MDH1B: variants seen among roughly 807,000 people sequenced by gnomAD.
The protein encoded by MDH1B is putative malate dehydrogenase 1B.
A neutral mutation model predicts 61.4 loss-of-function variants in MDH1B; 60 were observed. That is an observed-to-expected ratio of 0.98 (90% CI 0.79 to 1.21). The LOEUF is 1.21. MDH1B is among the 50% of genes most tolerant of loss of function. MDH1B has a pLI of 0.00. For synonymous variants in MDH1B, 236 were observed against 218.7 expected, an observed-to-expected ratio of 1.08 and a Z score of -0.70; for missense variants, 587 against 632.1, an observed-to-expected ratio of 0.93 and a Z score of 0.76.
In MDH1B at chr2:206,755,075, C is replaced by T; in HGVS notation, c.844G>A (p.Val282Met). 1 of 1,614,214 alleles carries T rather than the reference C, an allele frequency of 6.2e-7. No individual in the cohort carries two copies. The highest frequency in any genetic ancestry group is 8.5e-7 in the Non-Finnish European group (1 of 1,180,024). ...APRIAHNIIA[V>M]ALGVEGEAKA... Reference sequence around the variant, plus strand: ...GCTTCACCTTCCACCCCCAGCGCCACAGCAATAATGTTGTGTGCAATGCGT... The same window carrying T: ...GCTTCACCTTCCACCCCCAGCGCCATAGCAATAATGTTGTGTGCAATGCGT... The change falls in exon 5 of 12, where the codon GTG becomes ATG. Residue 282 changes from valine (V) to methionine (M), a missense_variant. Val to Met is a conservative substitution (Grantham distance 21). Transcript: ENST00000374412.
chr2:206,748,549 C>T (rs1274969658), intron 7 of MDH1B, among the ~76,000 whole-genome samples: 1 of 152,196 alleles, frequency 6.6e-6, no homozygotes, highest in Non-Finnish European at 1.5e-5. Flanking sequence ...CTCTATCCTG[C>T]CTTTGTGTCT....
intron 6 of MDH1B, 124 bp from the exon 7 acceptor site, chr2:206,749,307 T>G (rs1688306337): frequency 2.1e-5 from 15 of 721,658 alleles, no homozygotes; most frequent in Non-Finnish European, 2.6e-5. Context: ...AAATACAGCT[T>G]TATTTCTAGT....
chr2:206,743,561 C>A (rs1687933283), intron 9 of MDH1B, among the ~76,000 whole-genome samples: 1 of 152,200 alleles, frequency 6.6e-6, no homozygotes, highest in African/African-American at 2.4e-5. Flanking sequence ...CATTTGGCAA[C>A]TGTAGTCCAG....
intron 1 of MDH1B, among the ~76,000 whole-genome samples, chr2:206,764,779 C>G (rs993356769): frequency 3.3e-5 from 5 of 152,154 alleles, no homozygotes; most frequent in African/African-American, 7.2e-5. Flanking sequence ...CAGGTCCTGT[C>G]ACGCCCCACA....
intron 2 of MDH1B, among the ~76,000 whole-genome samples, chr2:206,758,645 A>ATAT: frequency 6.6e-6 from 1 of 152,082 alleles, no homozygotes; most frequent in Non-Finnish European, 1.5e-5. Flanking sequence ...GGGTGCCTAT[A>ATAT]ATCCCAGCTA....
intron 1 of MDH1B, 71 bp downstream of exon 1, chr2:206,765,179 C>A (rs1229069394): frequency 4.2e-5 from 66 of 1,567,684 alleles, no homozygotes; most frequent in Non-Finnish European, 5.5e-5. Context: ...GCTGCCAAGC[C>A]GAGCGGCCAT....
intron 7 of MDH1B, among the ~76,000 whole-genome samples, chr2:206,748,732 C>CATG (rs1301322953): frequency 6.6e-6 from 1 of 152,224 alleles, no homozygotes; most frequent in East Asian, 1.9e-4. Flanking sequence ...GCTAGGAAAA[C>CATG]CTAACAACAT....
At chr2:206,745,447 T>A (rs534295838) in intron 9 of MDH1B, 175 bp downstream of exon 9, 2 of 656,578 alleles carry the variant, frequency 3.0e-6, no homozygotes, top group South Asian at 3.4e-5. Context: ...TTTAACATTC[T>A]TATGAGATGT....
intron 8 of MDH1B, 117 bp downstream of exon 8, chr2:206,746,170 T>G (rs1369276948): frequency 1.2e-6 from 1 of 840,036 alleles, no homozygotes; most frequent in African/African-American, 1.8e-5. Flanking sequence ...ATCTCATTAT[T>G]TTTAAGAATT....
At chr2:206,754,902 A>G in intron 5 of MDH1B, 107 bp downstream of exon 5, 1 of 1,265,604 alleles carries the variant, frequency 7.9e-7, no homozygotes, top group Admixed American at 2.3e-5. Context: ...TATACTTCCT[A>G]TTCCAGATAC....
Position 206,739,642 on chromosome 2 carries a change from C to G in MDH1B, c.1479G>C (p.Gln493His). ...AMSDAAEFPN[Q>H]IPQTTFEKPQ... The stretch of plus-strand genomic sequence containing the variant: ...GCTTTTCAAAGGTGGTTTGAGGAAT[C>G]TGATTTGGAAACTCTGCTGCTGCAA... The change falls in exon 11 of 12, where the codon CAG becomes CAC. Residue 493 changes from glutamine to histidine, a missense_variant. By Grantham distance (24) the Gln-to-His change is conservative (BLOSUM62 0). Coordinates refer to ENST00000374412, the MANE Select transcript of MDH1B (RefSeq NM_001039845.3). 6.2e-7 allele frequency: 1 copy of G among 1,614,034 alleles called. No individual in the cohort carries two copies. Among genetic ancestry groups the G allele is most frequent in the Non-Finnish European group, 8.5e-7 (1 of 1,179,944 alleles).
At chr2:206,758,134 T>C (rs761816319) in intron 2 of MDH1B, among the ~76,000 whole-genome samples, 87 of 152,160 alleles carry the variant, frequency 5.7e-4, no homozygotes, top group Non-Finnish European at 1.2e-3. Context: ...AGCCACAGCA[T>C]AGCCAGACCA....
At chr2:206,741,011 A>G (rs1447464345) in intron 10 of MDH1B, 43 bp downstream of exon 10, 11 of 1,611,392 alleles carry the variant, frequency 6.8e-6, no homozygotes, top group Non-Finnish European at 9.3e-6. Flanking sequence ...ATGAGTCACG[A>G]CTATTAGCAA....
At chr2:206,757,999 G>A (rs1688862098) in intron 2 of MDH1B, among the ~76,000 whole-genome samples, 1 of 152,158 alleles carries the variant, frequency 6.6e-6, no homozygotes, top group Admixed American at 6.5e-5. Context: ...GGAGGCATGG[G>A]TAATGAGGCC....
At chr2:206,745,727 C>CTT in intron 8 of MDH1B, 54 bp from the exon 9 acceptor site, 7 of 785,992 alleles carry the variant, frequency 8.9e-6, no homozygotes, top group South Asian at 1.8e-5. Flanking sequence ...TAACTTAATT[C>CTT]TTCTTTTTTT....
At chr2:206,740,627 A>C (rs952765104) in intron 10 of MDH1B, among the ~76,000 whole-genome samples, 8 of 152,218 alleles carry the variant, frequency 5.3e-5, no homozygotes, top group Non-Finnish European at 1.2e-4. Context: ...ATATATACAC[A>C]TAATGAGACA....
rs528674060 is a variant in MDH1B, at chr2:206,753,971, A to G, written c.910+1038T>C. Among the ~76,000 whole-genome samples, 87 of 152,128 alleles carry G rather than the reference A, an allele frequency of 5.7e-4. 1 individual carries two copies. Among genetic ancestry groups the G allele is most frequent in the African/African-American group, 2.0e-3 (85 of 41,498 alleles). ...TTCTGAGATAAGTCACTGTCTACACATATAATTATAAGGTTGATGACAGAG... is the reference window on the plus strand; with the variant it reads ...TTCTGAGATAAGTCACTGTCTACACGTATAATTATAAGGTTGATGACAGAG... On this transcript the variant is annotated intron_variant, in intron 5 of 11. Coordinates refer to ENST00000374412, the MANE Select transcript of MDH1B (RefSeq NM_001039845.3).
At chr2:206,748,064 A>G (rs770457146) in intron 7 of MDH1B, among the ~76,000 whole-genome samples, 17 of 152,190 alleles carry the variant, frequency 1.1e-4, no homozygotes, top group Non-Finnish European at 2.5e-4. Context: ...AACAGCAGCT[A>G]TTCTCTTTCC....
At chr2:206,752,100 T>C (rs1462564170) in intron 5 of MDH1B, among the ~76,000 whole-genome samples, 1 of 152,152 alleles carries the variant, frequency 6.6e-6, no homozygotes, top group African/African-American at 2.4e-5. Flanking sequence ...CTTCCCCTCA[T>C]GATCATAAAA....
Sources: allele counts gnomAD v4.1 joint callset (sites outside exome capture counted in the v4.1 genomes callset), GRCh38; gene constraint gnomAD v4.1.1; transcripts MANE v1.5; gene names NCBI Gene and HGNC (gene_info 2026-07-23, HGNC 2026-07-21).